The following DPYD variants were observed in gnomAD, a reference collection of about 807,000 sequenced individuals.
DPYD encodes the protein dihydropyrimidine dehydrogenase [NADP(+)].
A neutral mutation model predicts 116.2 loss-of-function variants in DPYD; 109 were observed. That is an observed-to-expected ratio of 0.94 (90% confidence interval 0.80 to 1.10). The LOEUF is 1.10. Ranked by LOEUF, DPYD falls within the 50% of genes least tolerant of loss-of-function variation. The pLI is 0.00. For synonymous variants in DPYD, 440 were observed against 432.0 expected (o/e 1.02, Z -0.23); for missense variants, 1,302 against 1,254.5 (o/e 1.04, Z -0.57).
chr1:97,138,503 A>T (rs1557886580), intron 20 of DPYD, among the ~76,000 whole-genome samples: 1 of 152,120 alleles, frequency 6.6e-6, no homozygotes, highest in Non-Finnish European at 1.5e-5. Flanking sequence ...AAATAGAAGT[A>T]ACTGAAAACA....
At chr1:97,537,542 TA>T (rs1338363213) in intron 12 of DPYD, among the ~76,000 whole-genome samples, 1 of 144,346 alleles carries the variant, frequency 6.9e-6, no homozygotes, top group Non-Finnish European at 1.5e-5. Context: ...AAAAAGAATG[TA>T]AAAAATTTCA....
chr1:97,177,942 A>T (rs1657403407), intron 20 of DPYD, among the ~76,000 whole-genome samples: 1 of 152,082 alleles, frequency 6.6e-6, no homozygotes, highest in South Asian at 2.1e-4. Context: ...TTCTCACTGT[A>T]TCTTCACATG....
chr1:97,344,629 C>G (rs569188345), intron 16 of DPYD, among the ~76,000 whole-genome samples: 5 of 151,006 alleles, frequency 3.3e-5, no homozygotes, highest in African/African-American at 1.2e-4. Flanking sequence ...TTGATATATG[C>G]GAAAATTGCT....
chr1:97,316,637 T>C (rs1667871171), intron 16 of DPYD, among the ~76,000 whole-genome samples: 1 of 151,934 alleles, frequency 6.6e-6, no homozygotes, highest in Admixed American at 6.6e-5. Flanking sequence ...TGAACTGTAC[T>C]CCATTCTAAT....
At chr1:97,881,453 C>T (rs1259645612) in intron 2 of DPYD, among the ~76,000 whole-genome samples, 3 of 152,038 alleles carry the variant, frequency 2.0e-5, no homozygotes, top group East Asian at 3.9e-4. Context: ...AAATAGCATC[C>T]CTAGGTATAG....
rs575459976 is a variant in DPYD, at chr1:97,562,855, G to A, written c.1339+10905C>T. ...TGCCTCAGCCCCCCCGAGTAGCTGG[G>A]ATTACAGGTGTGCGCCATTACACCT... On this transcript the variant is annotated intron_variant, in intron 11 of 22. Coordinates refer to ENST00000370192, the MANE Select transcript of DPYD (RefSeq NM_000110.4). Among the ~76,000 whole-genome samples, 27 of 152,096 alleles carry A rather than the reference G, an allele frequency of 1.8e-4. No homozygotes were observed. In the East Asian group the frequency reaches 5.0e-3, roughly 28 times the overall value.
chr1:97,221,186 G>T (rs1175573024), intron 19 of DPYD, among the ~76,000 whole-genome samples: 1 of 152,072 alleles, frequency 6.6e-6, no homozygotes, highest in Admixed American at 6.6e-5. Flanking sequence ...TAGAGCTCAA[G>T]AACTAAGAAG....
chr1:97,083,761 TCAA>T (rs1196665456), intron 21 of DPYD, among the ~76,000 whole-genome samples: 2 of 152,156 alleles, frequency 1.3e-5, no homozygotes, highest in Admixed American at 1.3e-4. Flanking sequence ...GAACTTATCA[TCAA>T]CAACACGAAC....
chr1:97,410,024 C>T (rs867817201), intron 14 of DPYD, among the ~76,000 whole-genome samples: 40 of 151,808 alleles, frequency 2.6e-4, no homozygotes, highest in Middle Eastern at 3.4e-3. Flanking sequence ...TGAGATGGCT[C>T]CACTGCACTC....
At chr1:97,806,787 C>T (rs1015821027) in intron 3 of DPYD, among the ~76,000 whole-genome samples, 1 of 151,848 alleles carries the variant, frequency 6.6e-6, no homozygotes, top group Non-Finnish European at 1.5e-5. Flanking sequence ...AGTATTCTCA[C>T]TCTCCTAAAA....
At chr1:97,867,963 T>C (rs1671469659) in intron 2 of DPYD, among the ~76,000 whole-genome samples, 1 of 151,662 alleles carries the variant, frequency 6.6e-6, no homozygotes, top group Non-Finnish European at 1.5e-5. Context: ...GTCTTATGTA[T>C]AGAAAACCCG....
chr1:97,096,227 T>A (rs1156594935), intron 21 of DPYD, among the ~76,000 whole-genome samples: 1 of 152,202 alleles, frequency 6.6e-6, no homozygotes, highest in African/African-American at 2.4e-5. Context: ...CAGGCTTTCA[T>A]GCAACCACAG....
intron 18 of DPYD, among the ~76,000 whole-genome samples, chr1:97,270,784 T>C (rs1664531118): frequency 6.6e-6 from 1 of 152,192 alleles, no homozygotes; most frequent in Admixed American, 6.6e-5. Context: ...GTTATGTAAG[T>C]TCTCTCACAA....
At chr1:97,707,977 T>C (rs1415096958) in intron 5 of DPYD, among the ~76,000 whole-genome samples, 1 of 152,006 alleles carries the variant, frequency 6.6e-6, no homozygotes, top group Non-Finnish European at 1.5e-5. Context: ...TTCAAGACAG[T>C]TTCCTGCAGA....
intron 3 of DPYD, among the ~76,000 whole-genome samples, chr1:97,751,293 C>T (rs1664860777): frequency 1.3e-5 from 2 of 148,426 alleles, no homozygotes; most frequent in Admixed American, 6.8e-5. Flanking sequence ...TATATATATA[C>T]ACACACATAT....
intron 10 of DPYD, among the ~76,000 whole-genome samples, chr1:97,591,683 A>G (rs1654531784): frequency 6.6e-6 from 1 of 152,178 alleles, no homozygotes; most frequent in Non-Finnish European, 1.5e-5. Context: ...AACCCTCAAG[A>G]AGTCACCTTT....
At chr1:97,524,217 T>G (rs1648891910) in intron 12 of DPYD, among the ~76,000 whole-genome samples, 1 of 152,020 alleles carries the variant, frequency 6.6e-6, no homozygotes, top group Non-Finnish European at 1.5e-5. Flanking sequence ...GAAAAGAAAA[T>G]TAACTACAGC....
At chr1:97,671,158 T>A (rs1659841466) in intron 8 of DPYD, among the ~76,000 whole-genome samples, 1 of 152,050 alleles carries the variant, frequency 6.6e-6, no homozygotes, top group African/African-American at 2.4e-5. Context: ...TTTACAATAA[T>A]ACGGAAGACA....
At chr1:97,386,563 A>G (rs1357258240) in intron 14 of DPYD, among the ~76,000 whole-genome samples, 1 of 152,182 alleles carries the variant, frequency 6.6e-6, no homozygotes, top group Non-Finnish European at 1.5e-5. Flanking sequence ...TCTTGTTTCT[A>G]TGATTTAACA....
Sources: allele counts gnomAD v4.1 joint callset (sites outside exome capture counted in the v4.1 genomes callset), GRCh38; gene constraint gnomAD v4.1.1; transcripts MANE v1.5; gene names NCBI Gene and HGNC (gene_info 2026-07-23, HGNC 2026-07-21).